ADGRA3: variants seen among roughly 807,000 people sequenced by gnomAD.
ADGRA3 encodes adhesion G protein-coupled receptor A3, also known as G-protein coupled receptor 125.
ADGRA3 carries 56 observed loss-of-function variants against 119.8 expected under a neutral mutation model. That is an observed-to-expected ratio of 0.47 (90% confidence interval 0.38 to 0.58). The LOEUF is 0.58. Among genes scored for constraint, ADGRA3 ranks in the 20% least tolerant of loss-of-function variants. ADGRA3 has a pLI of 0.00. For missense variants in ADGRA3, 1,516 were observed against 1,649.0 expected, an observed-to-expected ratio of 0.92 and a Z score of 1.40; for synonymous variants, 607 against 623.8, an observed-to-expected ratio of 0.97 and a Z score of 0.40.
At chr4:22,398,407 A>G (rs1342786309) in intron 16 of ADGRA3, among the ~76,000 whole-genome samples, 2 of 152,110 alleles carry the variant, frequency 1.3e-5, no homozygotes, top group African/African-American at 2.4e-5. Context: ...GTTACTGTTA[A>G]TAGTATGATA....
chr4:22,400,883 G>C (rs2169605), intron 16 of ADGRA3, among the ~76,000 whole-genome samples: 1 of 151,816 alleles, frequency 6.6e-6, no homozygotes, highest in Non-Finnish European at 1.5e-5. Flanking sequence ...AAAATGTTAC[G>C]TATTTTCTAT....
chr4:22,392,748 C>G, intron 16 of ADGRA3, 58 bp from the exon 17 acceptor site: 1 of 1,505,066 alleles, frequency 6.6e-7, no homozygotes, highest in Non-Finnish European at 9.0e-7. Context: ...TAAGGCTTAC[C>G]TCAAAATTGG....
intron 1 of ADGRA3, among the ~76,000 whole-genome samples, chr4:22,496,214 T>C (rs996195990): frequency 2.0e-5 from 3 of 152,146 alleles, no homozygotes; most frequent in Non-Finnish European, 2.9e-5. Context: ...TTACAACACA[T>C]TGGTTATGAG....
chr4:22,515,521 TACTC>T lies in ADGRA3; in HGVS notation c.257+3_257+6del. 6.3e-7 allele frequency: 1 copy of T among 1,587,638 alleles called. No homozygotes were observed. The highest frequency in any genetic ancestry group is 8.6e-7 in the Non-Finnish European group (1 of 1,160,260). On this transcript the variant is annotated splice_donor_5th_base_variant and intron_variant, in intron 1 of 18. Coordinates refer to ENST00000334304, the MANE Select transcript of ADGRA3 (RefSeq NM_145290.4). The stretch of plus-strand genomic sequence containing the variant: ...GGAGAGGACCCAGCGTCGCGGGAGA[TACTC>T]ACAGGGTGACCGTGCGGTTGGGCAG...
chr4:22,409,097 C>A (rs1474442155), intron 14 of ADGRA3, among the ~76,000 whole-genome samples: 2 of 152,190 alleles, frequency 1.3e-5, no homozygotes, highest in South Asian at 2.1e-4. Context: ...GAGATGGTGG[C>A]AGGAACTGAC....
chr4:22,436,938 C>T (rs1716419408), intron 8 of ADGRA3, among the ~76,000 whole-genome samples: 4 of 152,124 alleles, frequency 2.6e-5, no homozygotes, highest in African/African-American at 7.2e-5. Flanking sequence ...ATAAATAGAT[C>T]AAGCAACACT....
chr4:22,408,102 T>C (rs1408525943), intron 14 of ADGRA3, among the ~76,000 whole-genome samples: 1 of 152,034 alleles, frequency 6.6e-6, no homozygotes, highest in Non-Finnish European at 1.5e-5. Context: ...GAACAAAGAA[T>C]ACAAATTTAA....
At chr4:22,508,653 CCT>C in intron 1 of ADGRA3, among the ~76,000 whole-genome samples, 1 of 152,236 alleles carries the variant, frequency 6.6e-6, no homozygotes, top group South Asian at 2.1e-4. Context: ...TCACTTTGCT[CCT>C]CTCTCCCTTG....
chr4:22,444,792 AG>A (rs1716766888), intron 6 of ADGRA3, among the ~76,000 whole-genome samples, 180 bp downstream of exon 6: 1 of 152,156 alleles, frequency 6.6e-6, no homozygotes, highest in Non-Finnish European at 1.5e-5. Flanking sequence ...GAAAAAAAAA[AG>A]GTCATTTAAT....
chr4:22,398,185 A>C (rs992334672), intron 16 of ADGRA3: 23 of 935,026 alleles, frequency 2.5e-5, no homozygotes, highest in African/African-American at 5.3e-5. Flanking sequence ...TTCATCAATA[A>C]TACTAATATA....
At chr4:22,484,145 T>C (rs1466265916) in intron 1 of ADGRA3, among the ~76,000 whole-genome samples, 1 of 152,090 alleles carries the variant, frequency 6.6e-6, no homozygotes, top group Non-Finnish European at 1.5e-5. Context: ...TACCCTAAAA[T>C]GATTTTAAAT....
At chr4:22,463,000 A>G (rs980308618) in intron 2 of ADGRA3, among the ~76,000 whole-genome samples, 9 of 152,200 alleles carry the variant, frequency 5.9e-5, no homozygotes, top group Non-Finnish European at 1.2e-4. Context: ...TGGCAGGCCC[A>G]CACTTCCGCT....
At chr4:22,453,888 T>G (rs1232794160) in intron 4 of ADGRA3, among the ~76,000 whole-genome samples, 1 of 152,142 alleles carries the variant, frequency 6.6e-6, no homozygotes, top group East Asian at 1.9e-4. Flanking sequence ...TCTTGCTCTG[T>G]CACCCACAGC....
chr4:22,423,090 G>C (rs1321233543), intron 11 of ADGRA3, among the ~76,000 whole-genome samples: 1 of 152,028 alleles, frequency 6.6e-6, no homozygotes, highest in Non-Finnish European at 1.5e-5. Flanking sequence ...CAGCTACTTA[G>C]GAGGCTGAGG....
intron 14 of ADGRA3, among the ~76,000 whole-genome samples, chr4:22,410,191 A>G (rs1177181517): frequency 6.6e-6 from 1 of 152,228 alleles, no homozygotes; most frequent in Admixed American, 6.5e-5. Context: ...ACAACAAAAG[A>G]GGAATCAATG....
Position 22,387,778 on chromosome 4 carries a change from T to G in ADGRA3, c.3893A>C (p.Glu1298Ala), listed in dbSNP as rs1351110091. ...QNGPIKSNGQ[E>A]GPLLGTDSTG... Reference sequence around the variant, plus strand: ...GCTATCGGTACCGAGCAAGGGTCCCTCCTGCCCATTGCTTTTAATTGGTCC... The same window carrying G: ...GCTATCGGTACCGAGCAAGGGTCCCGCCTGCCCATTGCTTTTAATTGGTCC... The change falls in exon 19 of 19, where the codon GAG (glutamate) becomes GCG (alanine). Residue 1298 changes from glutamate (E) to alanine (A), a missense_variant. Physicochemically the swap from Glu to Ala is moderately radical, Grantham distance 107. Coordinates refer to ENST00000334304, the MANE Select transcript of ADGRA3 (RefSeq NM_145290.4). The G allele has an allele frequency of 6.2e-7, 1 of 1,614,096 alleles. No individual in the cohort carries two copies.
intron 8 of ADGRA3, 115 bp from the exon 9 acceptor site, chr4:22,436,756 A>C: frequency 2.4e-6 from 2 of 829,454 alleles, no homozygotes; most frequent in South Asian, 3.3e-5. Context: ...TACAACCCTG[A>C]CACGGGTCAT....
chr4:22,398,975 A>C (rs1714492910), intron 16 of ADGRA3, among the ~76,000 whole-genome samples: 1 of 152,220 alleles, frequency 6.6e-6, no homozygotes, highest in Non-Finnish European at 1.5e-5. Flanking sequence ...ACGTCCGCTT[A>C]CATTCCCACC....
At position 22,515,628 on chromosome 4, in the gene ADGRA3, C is replaced by T; in HGVS notation, c.157G>A (p.Gly53Ser). ...CCCTCGGCGGCGCCCGCCGCCCTGCCAGCCCCTCGGGGCCGCCCATCGTGC... is the reference window on the plus strand; with the variant it reads ...CCCTCGGCGGCGCCCGCCGCCCTGCTAGCCCCTCGGGGCCGCCCATCGTGC... ...CKHDGRPRGA[G>S]RAAGAAEGKV... Residue 53 changes from glycine (G) to serine (S), a missense_variant, in exon 1 of 19, where the codon GGC becomes AGC. Gly to Ser is a moderately conservative substitution (Grantham distance 56, BLOSUM62 0). Around this residue, in one of 2 missense-constraint regions of ADGRA3, gnomAD observed 428 missense variants for 541.9 expected, o/e 0.79. Transcript: ENST00000334304. 2 of 1,527,016 alleles carry T rather than the reference C, an allele frequency of 1.3e-6. No individual in the cohort carries two copies. Among genetic ancestry groups the T allele is most frequent in the Middle Eastern group, 4.3e-4 (2 of 4,650 alleles). The allele number at this position is 1,527,016 out of a possible 1,614,324, so 94.6% of individuals were successfully genotyped here.
Sources: allele counts gnomAD v4.1 joint callset (sites outside exome capture counted in the v4.1 genomes callset), GRCh38; gene constraint gnomAD v4.1.1; regional missense constraint gnomAD v4.1.1; transcripts MANE v1.5; gene names NCBI Gene and HGNC (gene_info 2026-07-23, HGNC 2026-07-21).